The following CAV3 variants were observed in gnomAD, a reference collection of about 807,000 sequenced individuals.
CAV3 encodes the protein caveolin-3.
In CAV3, 10 loss-of-function variants were observed where a neutral mutation model predicts 13.4. That is an observed-to-expected ratio of 0.75 (90% CI 0.46 to 1.27). The LOEUF (loss-of-function observed/expected upper bound fraction) is 1.27, where lower values mean the gene tolerates loss of function less well. Among genes scored for constraint, CAV3 ranks in the 50% most tolerant of loss-of-function variants. The probability of loss-of-function intolerance (pLI) is 0.00; values close to 1 mark genes in which losing one functional copy is unlikely to be tolerated. For synonymous variants in CAV3, 90 were observed against 79.0 expected (o/e 1.14, Z -0.74); for missense variants, 162 against 194.0 (o/e 0.83, Z 0.98).
intron 1 of CAV3, among the ~76,000 whole-genome samples, chr3:8,740,919 G>A (rs753089220): frequency 4.6e-5 from 7 of 152,304 alleles, no homozygotes; most frequent in East Asian, 1.9e-4. Context: ...TGACCTGAGC[G>A]TCACTCTGCC....
chr3:8,741,709 C>T (rs538546844), intron 1 of CAV3, among the ~76,000 whole-genome samples: 4 of 152,222 alleles, frequency 2.6e-5, no homozygotes, highest in Admixed American at 6.5e-5. Flanking sequence ...TGTCCAAGGT[C>T]CTGGATGCCT....
intron 1 of CAV3, among the ~76,000 whole-genome samples, chr3:8,739,040 A>G (rs1430013179): frequency 3.9e-5 from 6 of 152,252 alleles, no homozygotes. Context: ...TCCACCTGTC[A>G]TTCCATATTG....
Position 8,746,013 on chromosome 3 carries a change from C to T in CAV3, c.*146C>T. On this transcript the variant is annotated 3_prime_UTR_variant, in exon 2 of 2. Coordinates refer to ENST00000343849, the MANE Select transcript of CAV3 (RefSeq NM_033337.3). The stretch of plus-strand genomic sequence containing the variant: ...TGATGGAGCACACGGTGTAGGGAAG[C>T]CAGAAAGAAAAGACGGCCCAGCCAC... 2 of 650,788 alleles carry T rather than the reference C, an allele frequency of 3.1e-6. No homozygotes were observed. 40.3% of individuals were successfully genotyped at this position (650,788 alleles called of 1,614,324 possible).
At chr3:8,739,166 T>C (rs1287653302) in intron 1 of CAV3, among the ~76,000 whole-genome samples, 5 of 152,164 alleles carry the variant, frequency 3.3e-5, no homozygotes, top group Non-Finnish European at 7.4e-5. Context: ...CTCCTGGGTA[T>C]CAACTGATCT....
rs111432648 is a variant in CAV3 at position 8,735,021 on chromosome 3, C to G, written c.114+1031C>G. Among the ~76,000 whole-genome samples the G allele has an allele frequency of 5.8e-4, 88 of 152,226 alleles. 1 individual carries two copies. The highest frequency in any genetic ancestry group is 1.6e-3 in the African/African-American group (66 of 41,534). ...AGACTCCACAACTGGCTCAGAGGTA[C>G]CTTTCTAAAGCAGAATTCCTCCAAG... On this transcript the variant is annotated intron_variant, in intron 1 of 1. Coordinates refer to ENST00000343849, the MANE Select transcript of CAV3 (RefSeq NM_033337.3).
At chr3:8,738,995 G>A (rs1012686765) in intron 1 of CAV3, among the ~76,000 whole-genome samples, 2 of 152,356 alleles carry the variant, frequency 1.3e-5, no homozygotes. Context: ...AGGCAGGAAG[G>A]GCAGGTTGAA....
At chr3:8,734,037 C>G (rs373376677) in intron 1 of CAV3, 47 bp downstream of exon 1, 6 of 1,100,424 alleles carry the variant, frequency 5.5e-6, no homozygotes, top group Non-Finnish European at 8.4e-6. Context: ...GTCAGGTTTG[C>G]GAGACGTGGG....
intron 1 of CAV3, among the ~76,000 whole-genome samples, chr3:8,737,454 C>A (rs1707796945): frequency 6.6e-6 from 1 of 152,056 alleles, no homozygotes; most frequent in Non-Finnish European, 1.5e-5. Context: ...TGGATTTGAC[C>A]CCCAGTAGAG....
chr3:8,744,382 C>T (rs1708076456), intron 1 of CAV3, among the ~76,000 whole-genome samples: 1 of 150,652 alleles, frequency 6.6e-6, no homozygotes, highest in South Asian at 2.1e-4. Flanking sequence ...GGGTTTATGC[C>T]GTTCTCCTTC....
At chr3:8,741,773 G>A (rs891783292) in intron 1 of CAV3, among the ~76,000 whole-genome samples, 32 of 152,130 alleles carry the variant, frequency 2.1e-4, no homozygotes, top group African/African-American at 7.7e-4. Context: ...CCGGGTGACT[G>A]TTGTCCTCCC....
At chr3:8,737,023 C>G (rs1389063030) in intron 1 of CAV3, among the ~76,000 whole-genome samples, 1 of 152,084 alleles carries the variant, frequency 6.6e-6, no homozygotes, top group South Asian at 2.1e-4. Flanking sequence ...GGGACTGTGG[C>G]TAGGAGGGAT....
intron 1 of CAV3, among the ~76,000 whole-genome samples, chr3:8,734,583 G>C (rs1707685896): frequency 6.6e-6 from 1 of 152,286 alleles, no homozygotes; most frequent in African/African-American, 2.4e-5. Context: ...CGAAGAGAAA[G>C]CTCGGGGTTG....
intron 1 of CAV3, among the ~76,000 whole-genome samples, chr3:8,739,009 A>G (rs1707854079): frequency 6.6e-6 from 1 of 152,242 alleles, no homozygotes; most frequent in Non-Finnish European, 1.5e-5. Context: ...GGTTGAAACT[A>G]AATAATAGAG....
chr3:8,734,005 C>T lies in CAV3; in HGVS notation c.114+15C>T, dbSNP rs754944118. On this transcript the variant is annotated intron_variant, in intron 1 of 1. Coordinates refer to ENST00000343849, the MANE Select transcript of CAV3 (RefSeq NM_033337.3). The stretch of plus-strand genomic sequence containing the variant: ...ACATAGTCAAGGTAGGCTCTGCAGG[C>T]CTGCCTCGGCGGGCGGAGAGTGTCA... 2.0e-6 allele frequency: 3 copies of T among 1,490,886 alleles called. No individual in the cohort carries two copies. Among genetic ancestry groups the T allele is most frequent in the South Asian group, 2.3e-5 (2 of 88,724 alleles). 92.4% of individuals were successfully genotyped at this position (1,490,886 alleles called of 1,614,324 possible).
chr3:8,737,711 A>T (rs1707806793), intron 1 of CAV3, among the ~76,000 whole-genome samples: 1 of 152,156 alleles, frequency 6.6e-6, no homozygotes, highest in African/African-American at 2.4e-5. Flanking sequence ...CAGCACAGGC[A>T]ATGTGCTGTC....
At chr3:8,744,377 T>C (rs918978425) in intron 1 of CAV3, among the ~76,000 whole-genome samples, 13 of 151,356 alleles carry the variant, frequency 8.6e-5, no homozygotes, top group Admixed American at 7.9e-4. Flanking sequence ...CTCCCGGGTT[T>C]ATGCCGTTCT....
rs1708140024 is a variant in CAV3, at chr3:8,745,726, A to G, written c.315A>G (p.Pro105=). Residue 105 remains proline (P), a synonymous_variant, in exon 2 of 2, where the codon CCA becomes CCG. Transcript: ENST00000343849. This position sits in a 1 kb window ranked among gnomAD's most constrained non-coding sequence, Gnocchi z 4.8. ...TCTGCCACATCTGGGCGGTGGTGCC[A>G]TGCATTAAGAGCTACCTGATCGAGA... The part of the protein sequence containing the change: ...ISFCHIWAVV[P]CIKSYLIEIQ... The G allele has an allele frequency of 1.2e-6, 2 of 1,614,120 alleles. No homozygotes were observed. The highest frequency in any genetic ancestry group is 1.7e-6 in the Non-Finnish European group (2 of 1,180,020).
intron 1 of CAV3, 25 bp downstream of exon 1, chr3:8,734,015 C>T (rs891372244): frequency 1.1e-5 from 15 of 1,406,012 alleles, no homozygotes; most frequent in African/African-American, 1.0e-4. Flanking sequence ...CCTGCCTCGG[C>T]GGGCGGAGAG....
chr3:8,740,858 C>A (rs1424299042), intron 1 of CAV3, among the ~76,000 whole-genome samples: 1 of 152,248 alleles, frequency 6.6e-6, no homozygotes, highest in Non-Finnish European at 1.5e-5. Flanking sequence ...TGTGTTCTGG[C>A]CTCAGGCCCT....
Sources: allele counts gnomAD v4.1 joint callset (sites outside exome capture counted in the v4.1 genomes callset), GRCh38; gene constraint gnomAD v4.1.1; non-coding constraint Gnocchi (gnomAD v3.1); transcripts MANE v1.5; gene names NCBI Gene and HGNC (gene_info 2026-07-23, HGNC 2026-07-21).